HS6ST2: variants seen among roughly 807,000 people sequenced by gnomAD.
HS6ST2 encodes the protein heparan-sulfate 6-O-sulfotransferase 2.
HS6ST2 carries 17 observed loss-of-function variants against 33.0 expected under a neutral mutation model. That is an observed-to-expected ratio of 0.52 (90% confidence interval 0.35 to 0.77). The LOEUF is 0.77. Among genes scored for constraint, HS6ST2 ranks in the 30% least tolerant of loss-of-function variants. The pLI is 0.01. For missense variants in HS6ST2, 519 were observed against 551.7 expected (o/e 0.94, Z 0.59); for synonymous variants, 248 against 237.1 (o/e 1.05, Z -0.42).
intron 4 of HS6ST2, among the ~76,000 whole-genome samples, chrX:132,640,167 G>T (rs760879100): frequency 9.1e-6 from 1 of 110,242 alleles, no homozygotes; most frequent in Non-Finnish European, 1.9e-5. Flanking sequence ...GCATGTATAC[G>T]GGTGCCAGCT....
intron 2 of HS6ST2, among the ~76,000 whole-genome samples, chrX:132,823,853 A>AAAAATAAT (rs774177926): frequency 1.1e-5 from 1 of 92,542 alleles, no homozygotes; most frequent in African/African-American, 4.0e-5. Context: ...ACTTCATAAA[A>AAAAATAAT]AATAATAATA....
intron 2 of HS6ST2, among the ~76,000 whole-genome samples, chrX:132,731,908 T>A (rs986456246): frequency 3.6e-5 from 4 of 111,195 alleles, no homozygotes; most frequent in Admixed American, 9.5e-5. Flanking sequence ...TTCTATAGCA[T>A]CAGCCTGCCC....
Position 132,671,629 on chromosome X carries a change from T to C in HS6ST2, c.981-2430A>G, listed in dbSNP as rs937492111. 2.7e-5 allele frequency among the ~76,000 whole-genome samples: 3 copies of C among 109,739 alleles called. No individual in the cohort carries two copies. In the South Asian group the frequency reaches 1.2e-3, roughly 45 times the overall value. ...CAGCGGCAGCCTCATTATTGTCAAC[T>C]GGTGCTCTAGCGGGAGGTGGTCCTG... On this transcript the variant is annotated intron_variant, in intron 3 of 4. Transcript: ENST00000370833.
chrX:132,943,945 G>A (rs1229487456), intron 2 of HS6ST2, among the ~76,000 whole-genome samples: 4 of 111,412 alleles, frequency 3.6e-5, no homozygotes, highest in East Asian at 2.8e-4. Context: ...TTGAAAACTG[G>A]CACAAGACAG....
At chrX:132,717,721 T>C (rs1477653448) in intron 2 of HS6ST2, among the ~76,000 whole-genome samples, 1 of 112,022 alleles carries the variant, frequency 8.9e-6, no homozygotes, top group Non-Finnish European at 1.9e-5. Context: ...ATTCTTTCTG[T>C]TTGGCAGGTG....
chrX:132,672,720 A>T (rs1017875532), intron 3 of HS6ST2, among the ~76,000 whole-genome samples: 1 of 112,410 alleles, frequency 8.9e-6, no homozygotes, highest in Non-Finnish European at 1.9e-5. Flanking sequence ...CCAGCACTAC[A>T]AAAGTGAAAA....
At chrX:132,715,185 A>G (rs2064262736) in intron 2 of HS6ST2, among the ~76,000 whole-genome samples, 1 of 111,671 alleles carries the variant, frequency 9.0e-6, no homozygotes, top group African/African-American at 3.3e-5. Context: ...CTGTATTCCC[A>G]ACACTTTGGG....
At chrX:132,795,854 C>A (rs2065173083) in intron 2 of HS6ST2, among the ~76,000 whole-genome samples, 1 of 111,729 alleles carries the variant, frequency 9.0e-6, no homozygotes, top group Non-Finnish European at 1.9e-5. Context: ...AGCAATCCGC[C>A]CACCTTGGCC....
chrX:132,918,780 G>T (rs2066621798), intron 2 of HS6ST2, among the ~76,000 whole-genome samples: 1 of 111,696 alleles, frequency 9.0e-6, no homozygotes, highest in South Asian at 3.8e-4. Flanking sequence ...CAATTGGCAG[G>T]TTAGCTCAGA....
chrX:132,793,810 C>T (rs190073516), intron 2 of HS6ST2, among the ~76,000 whole-genome samples: 6 of 112,366 alleles, frequency 5.3e-5, no homozygotes, highest in Admixed American at 1.9e-4. Flanking sequence ...CAAAAGCAAT[C>T]GAAATCTCAC....
intron 2 of HS6ST2, among the ~76,000 whole-genome samples, chrX:132,802,661 G>A (rs2065245647): frequency 9.1e-6 from 1 of 110,342 alleles, no homozygotes; most frequent in African/African-American, 3.3e-5. Context: ...GATACTGCCT[G>A]GGAACCGCAG....
chrX:132,698,965 T>TA (rs1419127126), intron 3 of HS6ST2, among the ~76,000 whole-genome samples: 1 of 111,998 alleles, frequency 8.9e-6, no homozygotes, highest in Non-Finnish European at 1.9e-5. Flanking sequence ...TTAATTAATG[T>TA]AGTAGTACAT....
intron 2 of HS6ST2, among the ~76,000 whole-genome samples, chrX:132,795,907 C>A (rs1230666045): frequency 8.9e-6 from 1 of 111,800 alleles, no homozygotes; most frequent in African/African-American, 3.3e-5. Context: ...CCGCACCCAG[C>A]CTCAGACAGA....
At chrX:132,860,777 CTTTTTTTT>C (rs58059164) in intron 2 of HS6ST2, among the ~76,000 whole-genome samples, 1,086 of 52,845 alleles carry the variant, frequency 0.021, 18 homozygotes, top group Middle Eastern at 0.029. Flanking sequence ...GCATGTGTAT[CTTTTTTTT>C]TTTTTTTTTT....
chrX:132,831,880 G>A (rs1416206014), intron 2 of HS6ST2, among the ~76,000 whole-genome samples: 1 of 111,975 alleles, frequency 8.9e-6, no homozygotes, highest in Non-Finnish European at 1.9e-5. Flanking sequence ...AGGATCTGGT[G>A]GTCCATAAAT....
intron 2 of HS6ST2, among the ~76,000 whole-genome samples, chrX:132,806,028 G>C (rs1410370151): frequency 1.8e-5 from 2 of 110,033 alleles, no homozygotes; most frequent in African/African-American, 3.3e-5. Context: ...ATTGCCTTTT[G>C]GGGGAGAACA....
At chrX:132,955,923 G>A (rs2067065153) in intron 2 of HS6ST2, among the ~76,000 whole-genome samples, 1 of 112,643 alleles carries the variant, frequency 8.9e-6, no homozygotes, top group African/African-American at 3.2e-5. Flanking sequence ...TGGGGCTCAA[G>A]CTTTTTAAAT....
chrX:132,841,820 A>T (rs1239735161), intron 2 of HS6ST2, among the ~76,000 whole-genome samples: 1 of 112,007 alleles, frequency 8.9e-6, no homozygotes, highest in East Asian at 2.8e-4. Flanking sequence ...TTTATAATCT[A>T]TAGGCCCGTC....
At chrX:132,887,313 C>T (rs2066262596) in intron 2 of HS6ST2, among the ~76,000 whole-genome samples, 1 of 111,837 alleles carries the variant, frequency 8.9e-6, no homozygotes, top group Non-Finnish European at 1.9e-5. Flanking sequence ...GCTCTTACAA[C>T]TCAATAATGA....
Sources: gnomAD v4.1 joint callset for allele counts (sites outside exome capture counted in the v4.1 genomes callset) on GRCh38, gnomAD v4.1.1 for gene constraint, MANE v1.5 for transcripts, NCBI Gene and HGNC (gene_info 2026-07-23, HGNC 2026-07-21) for gene names.